The following PIK3CD variants were observed in gnomAD, a reference collection of about 807,000 sequenced individuals.
PIK3CD encodes the protein phosphatidylinositol-4,5-bisphosphate 3-kinase catalytic subunit delta.
Under a neutral mutation model 122.9 loss-of-function variants are expected in PIK3CD, and 20 were observed. The observed-to-expected ratio is 0.16, with a 90% CI of 0.11 to 0.24. The LOEUF (loss-of-function observed/expected upper bound fraction) is 0.24. PIK3CD is among the 10% of genes least tolerant of loss of function. The pLI, the probability that PIK3CD is intolerant of heterozygous loss-of-function variation, is 1.00. For missense variants in PIK3CD, 787 were observed against 1,406.3 expected (o/e 0.56, Z 7.04); for synonymous variants, 596 against 593.4 (o/e 1.00, Z -0.06).
Position 9,717,580 on chromosome 1 carries a change from T to C in PIK3CD, c.974T>C (p.Ile325Thr). Residue 325 changes from isoleucine to threonine, a missense_variant, in exon 8 of 24, where the codon ATC becomes ACC. Ile to Thr is a moderately conservative substitution (Grantham distance 89, BLOSUM62 -1). Transcript: ENST00000377346. The surrounding 1 kb of genome is among the most constrained non-coding windows in gnomAD (Gnocchi z 5.4). ...SLWSLEQPFR[I>T]ELIQGSKVNA... is the part of the protein sequence containing the mutation. ...TGGTCCCTGGAGCAGCCGTTCCGCA[T>C]CGAGCTCATCCAGGGCAGCAAAGTG... 2.5e-6 allele frequency: 4 copies of C among 1,614,084 alleles called. No homozygotes were observed. The highest frequency in any genetic ancestry group is 3.4e-6 in the Non-Finnish European group (4 of 1,180,026).
At chr1:9,691,831 A>T (rs1646207568) in intron 2 of PIK3CD, 1 of 328,634 alleles carries the variant, frequency 3.0e-6, no homozygotes, top group African/African-American at 2.1e-5. Context: ...CTTTGCTTTG[A>T]GGAGTCCTGG....
rs72871212 is a variant in PIK3CD at position 9,720,404 on chromosome 1, G to A, written c.1470+162G>A. 430 of 1,366,690 alleles carry A rather than the reference G, an allele frequency of 3.1e-4. 1 individual carries two copies. The highest frequency in any genetic ancestry group is 2.3e-3 in the Admixed American group (92 of 40,242). 84.7% of individuals were successfully genotyped at this position (1,366,690 alleles called of 1,614,324 possible). A position where few individuals can be genotyped will look rare whatever the true frequency, so the allele number is the denominator to read the frequency against. On this transcript the variant is annotated intron_variant, in intron 11 of 23. Coordinates refer to ENST00000377346, the MANE Select transcript of PIK3CD (RefSeq NM_005026.5). The surrounding 1 kb of genome is among the most constrained non-coding windows in gnomAD (Gnocchi z 9.0). ...GCCATTTTGCCTGCAGGGATGCTGC[G>A]CAGTCTGATGACATTTTCGGTTGTC...
intron 1 of PIK3CD, among the ~76,000 whole-genome samples, chr1:9,687,128 T>C (rs1570229676): frequency 6.6e-6 from 1 of 152,274 alleles, no homozygotes; most frequent in East Asian, 1.9e-4. Flanking sequence ...GTTCCATTGC[T>C]GATGGGGACC....
At position 9,715,666 on chromosome 1, in the gene PIK3CD, G is replaced by A. The variant is rs932680235; in HGVS notation, c.267G>A (p.Leu89=). The A allele has an allele frequency of 2.5e-6, 4 of 1,613,752 alleles. No individual in the cohort carries two copies. Among genetic ancestry groups the A allele is most frequent in the African/African-American group, 2.7e-5 (2 of 75,074 alleles). The change falls in exon 4 of 24, where the codon CTG becomes CTA. Residue 89 remains leucine (L), a synonymous_variant. Transcript: ENST00000377346. The surrounding 1 kb of genome is among the most constrained non-coding windows in gnomAD (Gnocchi z 4.1). The stretch of plus-strand genomic sequence containing the variant: ...AGCTGGAGGACGAGCAACGGCGTCT[G>A]TGTGACGTGCAGCCCTTCCTGCCCG... The part of the protein sequence containing the change: ...QQELEDEQRR[L]CDVQPFLPVL...
At chr1:9,687,216 C>CG (rs1435164574) in intron 1 of PIK3CD, 2 of 152,144 alleles carry the variant, frequency 1.3e-5, no homozygotes, top group African/African-American at 4.8e-5. Context: ...GATTGCAGGA[C>CG]GGGGCCGCTA....
chr1:9,711,287 G>T (rs1195541093), intron 3 of PIK3CD, among the ~76,000 whole-genome samples: 4 of 151,982 alleles, frequency 2.6e-5, no homozygotes, highest in Admixed American at 2.6e-4. Context: ...TAGAGATGGG[G>T]TTATGCCATG....
intron 1 of PIK3CD, among the ~76,000 whole-genome samples, chr1:9,660,028 G>A (rs1184837187): frequency 6.6e-6 from 1 of 152,206 alleles, no homozygotes; most frequent in African/African-American, 2.4e-5. Context: ...TGATTCTCCT[G>A]CCTCAGCCTC....
At chr1:9,690,768 G>T (rs4601595) in intron 1 of PIK3CD, among the ~76,000 whole-genome samples, 89,552 of 152,042 alleles carry the variant, frequency 0.59, 28,128 homozygotes, top group African/African-American at 0.83. Flanking sequence ...TGGTTTTGGT[G>T]TTGTGCTAAA....
At chr1:9,676,210 G>A (rs1645531124) in intron 1 of PIK3CD, among the ~76,000 whole-genome samples, 1 of 152,114 alleles carries the variant, frequency 6.6e-6, no homozygotes, top group Admixed American at 6.6e-5. Flanking sequence ...GATTAGAGGT[G>A]TGAGCCACCG....
rs1474701782 is a variant in PIK3CD, at chr1:9,710,331, G to C, written c.-32-93G>C. ...GGAACTCACTCCTGAGCTTCCTGCTGTCCAAGGACCCCACTGTTTTCCAGG... is the reference window on the plus strand; with the variant it reads ...GGAACTCACTCCTGAGCTTCCTGCTCTCCAAGGACCCCACTGTTTTCCAGG... On this transcript the variant is annotated intron_variant, in intron 2 of 23. Coordinates refer to ENST00000377346, the MANE Select transcript of PIK3CD (RefSeq NM_005026.5). This position sits in a 1 kb window ranked among gnomAD's most constrained non-coding sequence, Gnocchi z 4.7. 1 of 1,036,922 alleles carries C rather than the reference G, an allele frequency of 9.6e-7. No individual in the cohort carries two copies. The highest frequency in any genetic ancestry group is 1.5e-6 in the Non-Finnish European group (1 of 663,724). 64.2% of individuals were successfully genotyped at this position (1,036,922 alleles called of 1,614,324 possible). A position where few individuals can be genotyped will look rare whatever the true frequency, so the allele number is the denominator to read the frequency against.
At chr1:9,726,521 A>C (rs1296251734) in intron 23 of PIK3CD, among the ~76,000 whole-genome samples, 3 of 152,150 alleles carry the variant, frequency 2.0e-5, no homozygotes, top group African/African-American at 7.2e-5. Context: ...AAATGTATAT[A>C]TACAGATACA....
At chr1:9,712,355 A>G (rs1256246931) in intron 3 of PIK3CD, among the ~76,000 whole-genome samples, 1 of 148,668 alleles carries the variant, frequency 6.7e-6, no homozygotes, top group Non-Finnish European at 1.5e-5. Context: ...ATCTTGGCTC[A>G]CTGCAACCTC....
chr1:9,633,034 T>C, the PIK3CD span, among the ~76,000 whole-genome samples: 8 of 151,982 alleles, frequency 5.3e-5, no homozygotes, highest in Admixed American at 1.3e-4. Flanking sequence ...GCTAATTTTT[T>C]GTATTTTTAG....
chr1:9,694,402 C>T (rs555611266), intron 2 of PIK3CD, among the ~76,000 whole-genome samples: 68 of 152,282 alleles, frequency 4.5e-4, no homozygotes, highest in Non-Finnish European at 8.1e-4. Flanking sequence ...GGTGTGGTGG[C>T]GCGTGCCTGT....
rs567088233 is a variant in PIK3CD, at chr1:9,703,184, G to A, written c.-32-7240G>A. Among the ~76,000 whole-genome samples, 24 of 152,348 alleles carry A rather than the reference G, an allele frequency of 1.6e-4. No homozygotes were observed. In the South Asian group the frequency reaches 3.7e-3, roughly 24 times the overall value. On this transcript the variant is annotated intron_variant, in intron 2 of 23. Coordinates refer to ENST00000377346, the MANE Select transcript of PIK3CD (RefSeq NM_005026.5). ...CAAGAAGAAGTCCCAGAGAAGCCTA[G>A]ATGTCAAAACCCACTGGACTGACTT...
At chr1:9,695,837 C>T (rs1646393098) in intron 2 of PIK3CD, among the ~76,000 whole-genome samples, 1 of 122,384 alleles carries the variant, frequency 8.2e-6, no homozygotes, top group African/African-American at 4.1e-5. Flanking sequence ...GAGCGAGACT[C>T]AGTCTCAAAA....
chr1:9,673,516 G>A (rs549515600), intron 1 of PIK3CD, among the ~76,000 whole-genome samples: 75 of 152,106 alleles, frequency 4.9e-4, no homozygotes, highest in African/African-American at 1.6e-3. Flanking sequence ...CCACCTTGGC[G>A]TCCTAAAGTG....
rs113651957 is a variant in PIK3CD, at chr1:9,723,715, G to T, written c.2595-254G>T. Among the ~76,000 whole-genome samples, 1 of 152,162 alleles carries T rather than the reference G, an allele frequency of 6.6e-6. No homozygotes were observed. The highest frequency in any genetic ancestry group is 1.5e-5 in the Non-Finnish European group (1 of 68,028). ...TGTCTGTGATGCCTCTCTGCATGTGGTCTCCTCATTTAGCAGCCTCACCTT... is the reference window on the plus strand; with the variant it reads ...TGTCTGTGATGCCTCTCTGCATGTGTTCTCCTCATTTAGCAGCCTCACCTT... On this transcript the variant is annotated intron_variant, in intron 20 of 23. Transcript: ENST00000377346. This position sits in a 1 kb window ranked among gnomAD's most constrained non-coding sequence, Gnocchi z 4.9.
In PIK3CD at chr1:9,661,326, C is replaced by T. The variant is rs565168312; in HGVS notation, c.-138+9524C>T. Among the ~76,000 whole-genome samples the T allele has an allele frequency of 1.8e-4, 28 of 151,998 alleles. No homozygotes were observed. The South Asian group carries it at 4.8e-3, about 26-fold the overall frequency. ...AATTACTGACCTCAGGTGATCTACTCGCCTCGGCCTCCCAAAGTGCTGGGA... is the reference window on the plus strand; with the variant it reads ...AATTACTGACCTCAGGTGATCTACTTGCCTCGGCCTCCCAAAGTGCTGGGA... On this transcript the variant is annotated intron_variant, in intron 1 of 23. Coordinates refer to ENST00000377346, the MANE Select transcript of PIK3CD (RefSeq NM_005026.5).
Sources: allele counts gnomAD v4.1 joint callset (sites outside exome capture counted in the v4.1 genomes callset), GRCh38; gene constraint gnomAD v4.1.1; non-coding constraint Gnocchi (gnomAD v3.1); transcripts MANE v1.5; gene names NCBI Gene and HGNC (gene_info 2026-07-23, HGNC 2026-07-21).